Variants in PTPRF observed in about 807,000 individuals in gnomAD.
PTPRF encodes the protein protein tyrosine phosphatase receptor type F.
In PTPRF, 59 loss-of-function variants were observed where a neutral mutation model predicts 201.8. The observed-to-expected ratio is 0.29, with a 90% CI of 0.24 to 0.36. The LOEUF is 0.36. PTPRF is among the 10% of genes least tolerant of loss of function. The pLI is 1.00. For missense variants in PTPRF, 2,132 were observed against 2,690.5 expected, an observed-to-expected ratio of 0.79 and a Z score of 4.59; for synonymous variants, 1,088 against 1,089.7, an observed-to-expected ratio of 1.00 and a Z score of 0.03.
In PTPRF at chr1:43,603,543, G is replaced by A; in HGVS notation, c.2458+10G>A. ...ACTACAACAGGTGCAGGTGAGTGAGGGGTCAGGACGGACCTGAGGGTGGGG... is the reference window on the plus strand; with the variant it reads ...ACTACAACAGGTGCAGGTGAGTGAGAGGTCAGGACGGACCTGAGGGTGGGG... On this transcript the variant is annotated intron_variant, in intron 15 of 33. Transcript: ENST00000359947. The surrounding 1 kb of genome is among the most constrained non-coding windows in gnomAD (Gnocchi z 5.8). The A allele has an allele frequency of 6.2e-7, 1 of 1,613,590 alleles. No homozygotes were observed. The highest frequency in any genetic ancestry group is 8.5e-7 in the Non-Finnish European group (1 of 1,179,624).
intron 29 of PTPRF, 40 bp downstream of exon 29, chr1:43,619,898 G>A (rs373356136): frequency 1.2e-6 from 2 of 1,602,372 alleles, no homozygotes; most frequent in East Asian, 4.5e-5. Flanking sequence ...CCCTACAGGG[G>A]CCTAGGCCTG....
chr1:43,568,151 C>T (rs1374772079), intron 5 of PTPRF, among the ~76,000 whole-genome samples: 4 of 152,126 alleles, frequency 2.6e-5, no homozygotes, highest in South Asian at 2.1e-4. Flanking sequence ...CAAAATTTGC[C>T]GGGCGTGGTG....
chr1:43,591,715 G>T, intron 9 of PTPRF, 97 bp from the exon 10 acceptor site: 2 of 1,511,112 alleles, frequency 1.3e-6, no homozygotes, highest in Non-Finnish European at 1.8e-6. Context: ...TAGGATAAGG[G>T]TGTGAGGTTA....
In PTPRF at chr1:43,620,908, G is replaced by A. The variant is rs1201742137; in HGVS notation, c.5435G>A (p.Gly1812Asp). 4.3e-6 allele frequency: 7 copies of A among 1,614,240 alleles called. No individual in the cohort carries two copies. Among genetic ancestry groups the A allele is most frequent in the Non-Finnish European group, 5.9e-6 (7 of 1,180,036 alleles). The change falls in exon 32 of 34, where the codon GGC becomes GAC. Residue 1812 changes from glycine (G) to aspartate (D), a missense_variant. By Grantham distance (94) the Gly-to-Asp change is moderately conservative. Around this residue, in one of 6 missense-constraint regions of PTPRF, gnomAD observed 519 missense variants for 659.5 expected, o/e 0.79. Transcript: ENST00000359947. The stretch of plus-strand genomic sequence containing the variant: ...CCAGAGCAGGGCGTGCCCAAGACAG[G>A]CGAGGGATTCATTGACTTCATCGGG... ...DWPEQGVPKT[G>D]EGFIDFIGQV...
At chr1:43,590,284 C>T (rs1177741184) in intron 8 of PTPRF, among the ~76,000 whole-genome samples, 2 of 152,216 alleles carry the variant, frequency 1.3e-5, no homozygotes, top group Non-Finnish European at 2.9e-5. Flanking sequence ...TGTCCTTGCA[C>T]ATGGCAGAAT....
At chr1:43,575,818 T>G (rs994862796) in intron 6 of PTPRF, 21 of 1,196,268 alleles carry the variant, frequency 1.8e-5, no homozygotes, top group Non-Finnish European at 2.3e-5. Context: ...TTTCTTGTGT[T>G]TTATTTTACC....
intron 8 of PTPRF, among the ~76,000 whole-genome samples, chr1:43,589,696 A>G (rs56288043): frequency 0.012 from 461 of 39,728 alleles, 16 homozygotes; most frequent in East Asian, 0.018. Context: ...CATCTCTACG[A>G]AAAAAAAAAA....
chr1:43,563,908 C>T (rs1255529229), intron 5 of PTPRF, among the ~76,000 whole-genome samples: 3 of 152,066 alleles, frequency 2.0e-5, no homozygotes, highest in African/African-American at 4.8e-5. Context: ...GGCATGGCCC[C>T]TGGGTTCTTG....
chr1:43,600,391 A>G (rs1177755767), intron 13 of PTPRF, among the ~76,000 whole-genome samples: 1 of 152,114 alleles, frequency 6.6e-6, no homozygotes, highest in African/African-American at 2.4e-5. Context: ...TTAGTCTCAG[A>G]CATCCCATCA....
intron 9 of PTPRF, 123 bp downstream of exon 9, chr1:43,591,676 A>T (rs1650794505): frequency 6.9e-7 from 1 of 1,441,024 alleles, no homozygotes; most frequent in African/African-American, 1.4e-5. Flanking sequence ...AAGGTGCCGT[A>T]TTCCATAGAT....
intron 1 of PTPRF, among the ~76,000 whole-genome samples, chr1:43,531,412 A>G (rs1435435549): frequency 1.1e-4 from 1 of 8,784 alleles, no homozygotes; most frequent in Non-Finnish European, 2.8e-4. Context: ...CCCCCCACCC[A>G]GCGCAAAGTT....
At chr1:43,565,891 C>T (rs966868714) in intron 5 of PTPRF, among the ~76,000 whole-genome samples, 33 of 152,324 alleles carry the variant, frequency 2.2e-4, no homozygotes, top group African/African-American at 5.3e-4. Context: ...CAGCGCCCGC[C>T]GCTCCACCGT....
chr1:43,536,865 G>A (rs1644048002), intron 1 of PTPRF, among the ~76,000 whole-genome samples: 1 of 152,174 alleles, frequency 6.6e-6, no homozygotes, highest in Admixed American at 6.5e-5. Flanking sequence ...AGTTGGGATG[G>A]CCTTCAGTCG....
At chr1:43,600,253 C>T (rs926933702) in intron 13 of PTPRF, among the ~76,000 whole-genome samples, 3 of 152,172 alleles carry the variant, frequency 2.0e-5, no homozygotes, top group Admixed American at 6.5e-5. Context: ...CCTAGCCCCT[C>T]CTCTCTGAGG....
At chr1:43,525,375 T>C (rs1479914560), upstream of PTPRF, 1 of 152,602 alleles carries the variant, frequency 6.6e-6, no homozygotes, top group Non-Finnish European at 1.5e-5. Context: ...CCAGGAGCTG[T>C]CTGTCTGCAC....
At chr1:43,586,311 G>T (rs531640782) in intron 7 of PTPRF, among the ~76,000 whole-genome samples, 1 of 152,210 alleles carries the variant, frequency 6.6e-6, no homozygotes, top group African/African-American at 2.4e-5. Context: ...TCTGTGGCAG[G>T]CCTGGACCTG....
intron 7 of PTPRF, chr1:43,582,389 A>G (rs985425257): frequency 6.6e-6 from 1 of 152,366 alleles, no homozygotes; most frequent in Non-Finnish European, 1.5e-5. Context: ...AGGCCCAGGC[A>G]TGCTGGGTGG....
In PTPRF at chr1:43,605,331, A is replaced by C; in HGVS notation, c.3277A>C (p.Ile1093Leu). 2 of 1,613,816 alleles carry C rather than the reference A, an allele frequency of 1.2e-6. No individual in the cohort carries two copies. Among genetic ancestry groups the C allele is most frequent in the Non-Finnish European group, 1.7e-6 (2 of 1,179,958 alleles). The stretch of plus-strand genomic sequence containing the variant: ...AGGGGGCCTGCAGCACCTGGTGTCC[A>C]TCCGCACAGCCCCCGACCTCCTGCC... ...SAGGLQHLVSIRTAPDLLPHK... is the reference protein window; with the variant it reads ...SAGGLQHLVSLRTAPDLLPHK... The change falls in exon 18 of 34, where the codon ATC becomes CTC. Residue 1093 changes from isoleucine (I) to leucine (L), a missense_variant. This residue lies in a region of PTPRF where 818 missense variants were observed against 915.3 expected (regional missense o/e 0.89). Transcript: ENST00000359947.
intron 23 of PTPRF, among the ~76,000 whole-genome samples, chr1:43,616,964 A>G (rs1658009139): frequency 6.6e-6 from 1 of 152,110 alleles, no homozygotes; most frequent in Non-Finnish European, 1.5e-5. Flanking sequence ...GGAGCAGCTG[A>G]AAGGAAGAGA....
Sources: allele counts gnomAD v4.1 joint callset (sites outside exome capture counted in the v4.1 genomes callset), GRCh38; gene constraint gnomAD v4.1.1; regional missense constraint gnomAD v4.1.1; non-coding constraint Gnocchi (gnomAD v3.1); transcripts MANE v1.5; gene names NCBI Gene and HGNC (gene_info 2026-07-23, HGNC 2026-07-21).